The following AFF4 variants were observed in gnomAD, a reference collection of about 807,000 sequenced individuals.
The protein encoded by AFF4 is AF4/FMR2 family member 4.
Under a neutral mutation model 124.8 loss-of-function variants are expected in AFF4, and 13 were observed. The ratio of observed to expected loss-of-function variants is 0.10; its 90% confidence interval spans 0.07 to 0.17. AFF4 has a LOEUF of 0.17. Among genes scored for constraint, AFF4 ranks in the 10% least tolerant of loss-of-function variants. The pLI, the probability that AFF4 is intolerant of heterozygous loss-of-function variation, is 1.00. For synonymous variants in AFF4, 477 were observed against 496.1 expected (o/e 0.96, Z 0.51); for missense variants, 1,092 against 1,403.8 (o/e 0.78, Z 3.55).
At chr5:132,908,746 CTA>C (rs1161691677) in intron 5 of AFF4, among the ~76,000 whole-genome samples, 1 of 143,852 alleles carries the variant, frequency 7.0e-6, no homozygotes, top group African/African-American at 2.6e-5. Context: ...AATCTATACA[CTA>C]TATATATACA....
At chr5:132,889,800 G>A (rs780404293) in intron 13 of AFF4, among the ~76,000 whole-genome samples, 2 of 151,682 alleles carry the variant, frequency 1.3e-5, no homozygotes, top group African/African-American at 2.4e-5. Flanking sequence ...TCATCCACAT[G>A]TCTTTTTTTT....
intron 20 of AFF4, among the ~76,000 whole-genome samples, chr5:132,882,897 T>C (rs1449987791): frequency 1.3e-5 from 2 of 151,284 alleles, no homozygotes; most frequent in African/African-American, 4.8e-5. Context: ...CCTAGTCTCC[T>C]TTATTTCACA....
At chr5:132,919,061 T>C (rs1404513058) in intron 5 of AFF4, among the ~76,000 whole-genome samples, 4 of 152,082 alleles carry the variant, frequency 2.6e-5, no homozygotes, top group African/African-American at 9.7e-5. Context: ...CTAATTTTTG[T>C]GTTTTTAGTA....
At position 132,884,064 on chromosome 5, in the gene AFF4, G is replaced by T. The variant is rs575526697; in HGVS notation, c.3144-504C>A. Reference sequence around the variant, plus strand: ...TAACAAAGAGGTACAGCTCTCTCAAGCAACTGTAATCACCCCAAGCTTCCT... The same window carrying T: ...TAACAAAGAGGTACAGCTCTCTCAATCAACTGTAATCACCCCAAGCTTCCT... On this transcript the variant is annotated intron_variant, in intron 19 of 20. Transcript: ENST00000265343. 2.0e-5 allele frequency among the ~76,000 whole-genome samples: 3 copies of T among 152,254 alleles called. No homozygotes were observed. The South Asian group carries it at 6.2e-4, about 32-fold the overall frequency.
rs1760464398 is a variant in AFF4 at position 132,898,393 on chromosome 5, C to G, written c.1227-1G>C. On this transcript the variant is annotated splice_acceptor_variant, in intron 9 of 20. Transcript: ENST00000265343. LOFTEE classifies it high-confidence loss of function. Reference sequence around the variant, plus strand: ...ATTATGGTGTGAAGGTTCAGAGTTACTAAAAGAGATGAAATATACAAATGT... The same window carrying G: ...ATTATGGTGTGAAGGTTCAGAGTTAGTAAAAGAGATGAAATATACAAATGT... The G allele has an allele frequency of 1.2e-6, 2 of 1,612,004 alleles. No homozygotes were observed. The highest frequency in any genetic ancestry group is 1.7e-6 in the Non-Finnish European group (2 of 1,179,302).
intron 4 of AFF4, among the ~76,000 whole-genome samples, chr5:132,931,181 G>A (rs567968041): frequency 2.6e-5 from 4 of 151,904 alleles, no homozygotes; most frequent in East Asian, 1.9e-4. Context: ...TTGGGAGGCC[G>A]GGCAGGAGGA....
chr5:132,904,477 C>T (rs1297078230), intron 5 of AFF4, 73 bp from the exon 6 acceptor site: 12 of 1,243,072 alleles, frequency 9.7e-6, no homozygotes, highest in Non-Finnish European at 1.4e-5. Flanking sequence ...GCTTAAATTA[C>T]ATAAAAACAC....
At chr5:132,958,161 C>T (rs1455056662) in intron 1 of AFF4, among the ~76,000 whole-genome samples, 2 of 152,060 alleles carry the variant, frequency 1.3e-5, no homozygotes, top group Non-Finnish European at 2.9e-5. Context: ...ACAACACTTA[C>T]AGTCCTTCTT....
Position 132,896,427 on chromosome 5 carries a change from CTG to C in AFF4, c.2201_2202del (p.Thr734ArgfsTer35). Reference sequence around the variant, plus strand: ...TTTTTCTTTTCCCCCTTGGGCGGCTCTGTTTCTTTGTAAGGCTTTCCTGGTAT... The same window carrying C: ...TTTTTCTTTTCCCCCTTGGGCGGCTCTTTCTTTGTAAGGCTTTCCTGGTAT... ...TRIPGKPYKE[T>X]EPPKGEKKNV... On this transcript the variant is annotated frameshift_variant, in exon 11 of 21. Coordinates refer to ENST00000265343, the MANE Select transcript of AFF4 (RefSeq NM_014423.4). LOFTEE classifies it high-confidence loss of function. 6.2e-7 allele frequency: 1 copy of C among 1,614,182 alleles called. No individual in the cohort carries two copies. The highest frequency in any genetic ancestry group is 8.5e-7 in the Non-Finnish European group (1 of 1,180,030).
rs562593938 is a variant in AFF4, at chr5:132,963,473, C to G, written c.-219G>C. Reference sequence around the variant, plus strand: ...CGGCAGCGATGCGCCTCACACGGAACAGGCGTAGGCCCCGCACCGCTCCAT... The same window carrying G: ...CGGCAGCGATGCGCCTCACACGGAAGAGGCGTAGGCCCCGCACCGCTCCAT... On this transcript the variant is annotated 5_prime_UTR_variant, in exon 1 of 21. Coordinates refer to ENST00000265343, the MANE Select transcript of AFF4 (RefSeq NM_014423.4). 6 of 397,920 alleles carry G rather than the reference C, an allele frequency of 1.5e-5. No homozygotes were observed. The highest frequency in any genetic ancestry group is 8.2e-5 in the African/African-American group (4 of 48,564). The allele number at this position is 397,920 out of a possible 1,614,324, so 24.6% of individuals were successfully genotyped here. A position where few individuals can be genotyped will look rare whatever the true frequency, so the allele number is the denominator to read the frequency against.
chr5:132,921,466 T>C (rs891201032), intron 5 of AFF4, among the ~76,000 whole-genome samples: 4 of 123,238 alleles, frequency 3.2e-5, no homozygotes, highest in Non-Finnish European at 5.1e-5. Context: ...TGTTTTCTTT[T>C]TTTTTTCTTT....
intron 4 of AFF4, among the ~76,000 whole-genome samples, chr5:132,928,140 T>G (rs912765291): frequency 6.6e-6 from 1 of 151,782 alleles, no homozygotes; most frequent in Non-Finnish European, 1.5e-5. Flanking sequence ...GGCTCACACT[T>G]CAAAAACTGA....
Position 132,887,766 on chromosome 5 carries a change from T to C in AFF4, c.2933+80A>G, listed in dbSNP as rs973036896. On this transcript the variant is annotated intron_variant, in intron 16 of 20. Transcript: ENST00000265343. ...TTAAAGGATTATACACCCTCTTCAGTTTACTATATATCAGCCTCTTCCTTG... is the reference window on the plus strand; with the variant it reads ...TTAAAGGATTATACACCCTCTTCAGCTTACTATATATCAGCCTCTTCCTTG... 264 of 1,561,996 alleles carry C rather than the reference T, an allele frequency of 1.7e-4. 4 individuals carry two copies. In the South Asian group the frequency reaches 2.9e-3, roughly 17 times the overall value.
rs1760280037 is a variant in AFF4 at position 132,892,255 on chromosome 5, T to C, written c.2546A>G (p.Lys849Arg). 6.2e-7 allele frequency: 1 copy of C among 1,614,098 alleles called. No homozygotes were observed. The highest frequency in any genetic ancestry group is 8.5e-7 in the Non-Finnish European group (1 of 1,180,020). The change falls in exon 13 of 21, where the codon AAG (lysine) becomes AGG (arginine). Residue 849 changes from lysine to arginine, a missense_variant. Physicochemically the swap from Lys to Arg is conservative, Grantham distance 26. Coordinates refer to ENST00000265343, the MANE Select transcript of AFF4 (RefSeq NM_014423.4). ...SSLKSSSNSN[K>R]ETSGSSKNSS... ...GTTTTTGCTGCTGCCACTCGTCTCC[T>C]TGTTGCTGTTACTGCTTGACTTTAA...
chr5:132,921,311 T>A (rs190073325), intron 5 of AFF4, among the ~76,000 whole-genome samples: 7 of 152,156 alleles, frequency 4.6e-5, no homozygotes, highest in South Asian at 2.1e-4. Flanking sequence ...CACAATGAGG[T>A]ACCACTATAA....
At chr5:132,881,589 TC>T (rs903327203) in intron 20 of AFF4, among the ~76,000 whole-genome samples, 3 of 152,238 alleles carry the variant, frequency 2.0e-5, no homozygotes, top group Non-Finnish European at 2.9e-5. Context: ...TTTGCCTGTT[TC>T]CTGTAACAGC....
At chr5:132,891,545 G>T (rs567568003) in intron 13 of AFF4, among the ~76,000 whole-genome samples, 4 of 152,148 alleles carry the variant, frequency 2.6e-5, no homozygotes, top group Admixed American at 1.3e-4. Flanking sequence ...CCCCTGCATT[G>T]TGAGTATCCT....
At chr5:132,883,821 C>T (rs1457562551) in intron 19 of AFF4, among the ~76,000 whole-genome samples, 1 of 152,130 alleles carries the variant, frequency 6.6e-6, no homozygotes, top group Non-Finnish European at 1.5e-5. Flanking sequence ...AGTCATGTAC[C>T]TTGTTACAGT....
In AFF4 at chr5:132,895,033, T is replaced by C. The variant is rs144627544; in HGVS notation, c.2307+1290A>G. Among the ~76,000 whole-genome samples the C allele has an allele frequency of 2.3e-3, 350 of 152,228 alleles. 1 individual carries two copies. The highest frequency in any genetic ancestry group is 7.9e-3 in the African/African-American group (327 of 41,530). ...AAAAGGACCATTTTTTAAAATTCCA[T>C]AAAAAAAGTCCTAGCTTCCAAAAGA... On this transcript the variant is annotated intron_variant, in intron 11 of 20. Coordinates refer to ENST00000265343, the MANE Select transcript of AFF4 (RefSeq NM_014423.4).
Sources: allele counts gnomAD v4.1 joint callset (sites outside exome capture counted in the v4.1 genomes callset), GRCh38; gene constraint gnomAD v4.1.1; transcripts MANE v1.5; gene names NCBI Gene and HGNC (gene_info 2026-07-23, HGNC 2026-07-21).